Variants in PITPNA observed in about 807,000 individuals in gnomAD.
PITPNA encodes the protein phosphatidylinositol transfer protein alpha, also known as phosphatidylinositol transfer protein alpha isoform.
A neutral mutation model predicts 50.3 loss-of-function variants in PITPNA; 13 were observed. The observed-to-expected ratio is 0.26, with a 90% CI of 0.17 to 0.41. PITPNA has a LOEUF of 0.41. PITPNA is among the 10% of genes least tolerant of loss of function. The pLI, the probability that PITPNA is intolerant of heterozygous loss-of-function variation, is 1.00. For missense variants in PITPNA, 207 were observed against 333.4 expected (o/e 0.62, Z 2.95); for synonymous variants, 120 against 119.6 (o/e 1.00, Z -0.02).
rs2075492709 is a variant in PITPNA, at chr17:1,519,110, A to G, written c.*1451T>C. ...ATCCTGTGAGACACTCCCTTATTGC[A>G]CTTAGAAATGAGTAAGGCAAACAAA... On this transcript the variant is annotated 3_prime_UTR_variant, in exon 12 of 12. Coordinates refer to ENST00000313486, the MANE Select transcript of PITPNA (RefSeq NM_006224.4). 2 of 152,512 alleles carry G rather than the reference A, an allele frequency of 1.3e-5. No homozygotes were observed. The highest frequency in any genetic ancestry group is 1.5e-5 in the Non-Finnish European group (1 of 68,046). 9.4% of individuals were successfully genotyped at this position (152,512 alleles called of 1,614,324 possible).
At chr17:1,560,735 C>T (rs966672971) in intron 1 of PITPNA, among the ~76,000 whole-genome samples, 3 of 152,190 alleles carry the variant, frequency 2.0e-5, no homozygotes, top group African/African-American at 7.2e-5. Flanking sequence ...TAAAGTGCAC[C>T]ACGTTCTCCT....
At chr17:1,554,316 G>A (rs2075724202) in intron 2 of PITPNA, among the ~76,000 whole-genome samples, 1 of 151,926 alleles carries the variant, frequency 6.6e-6, no homozygotes, top group Non-Finnish European at 1.5e-5. Flanking sequence ...GGGGGGTGGA[G>A]GGGGACAAAG....
At chr17:1,525,778 A>T (rs565409073) in intron 10 of PITPNA, among the ~76,000 whole-genome samples, 4 of 152,336 alleles carry the variant, frequency 2.6e-5, no homozygotes, top group African/African-American at 9.6e-5. Context: ...TTGGCCTCCC[A>T]AAGTGCTGGG....
intron 4 of PITPNA, among the ~76,000 whole-genome samples, chr17:1,544,685 C>T (rs972042317): frequency 6.6e-6 from 1 of 152,250 alleles, no homozygotes; most frequent in African/African-American, 2.4e-5. Flanking sequence ...CGCCTGGAAT[C>T]CCAGCACTTT....
chr17:1,556,455 T>C (rs1464913621), intron 2 of PITPNA, among the ~76,000 whole-genome samples: 5 of 152,186 alleles, frequency 3.3e-5, no homozygotes, highest in African/African-American at 1.2e-4. Flanking sequence ...CTTCCAGTCT[T>C]GGCCCCACCA....
chr17:1,522,386 G>T lies in PITPNA; in HGVS notation c.769-741C>A, dbSNP rs554956350. Among the ~76,000 whole-genome samples the T allele has an allele frequency of 4.2e-3, 631 of 149,126 alleles. 8 individuals carry two copies. Among genetic ancestry groups the T allele is most frequent in the African/African-American group, 0.014 (582 of 40,496 alleles). On this transcript the variant is annotated intron_variant, in intron 10 of 11. Coordinates refer to ENST00000313486, the MANE Select transcript of PITPNA (RefSeq NM_006224.4). ...GCGCCTGGCCGAAACATCTTTTTTTGTGTGTGTGAGGAGTCTTGCTCTGTC... is the reference window on the plus strand; with the variant it reads ...GCGCCTGGCCGAAACATCTTTTTTTTTGTGTGTGAGGAGTCTTGCTCTGTC...
At chr17:1,542,317 CAGA>C (rs1193936204) in intron 5 of PITPNA, among the ~76,000 whole-genome samples, 2 of 152,278 alleles carry the variant, frequency 1.3e-5, no homozygotes, top group East Asian at 1.9e-4. Context: ...GGAAAGAGCA[CAGA>C]AGACTTCCTA....
chr17:1,561,572 C>T (rs2075768395), intron 1 of PITPNA, among the ~76,000 whole-genome samples: 1 of 152,124 alleles, frequency 6.6e-6, no homozygotes, highest in African/African-American at 2.4e-5. Flanking sequence ...GGTAACTTCC[C>T]GGCCTTCTCC....
At chr17:1,527,274 C>T (rs1236674844) in intron 10 of PITPNA, among the ~76,000 whole-genome samples, 5 of 152,020 alleles carry the variant, frequency 3.3e-5, no homozygotes, top group Admixed American at 2.6e-4. Flanking sequence ...GATAGAGTTT[C>T]GCTCTGTTGC....
At chr17:1,561,770 C>T (rs1236204791) in intron 1 of PITPNA, among the ~76,000 whole-genome samples, 1 of 152,148 alleles carries the variant, frequency 6.6e-6, no homozygotes, top group Non-Finnish European at 1.5e-5. Flanking sequence ...CCCAGCCAGG[C>T]CCTGACTTCC....
intron 6 of PITPNA, among the ~76,000 whole-genome samples, chr17:1,539,726 C>T (rs1431541461): frequency 1.3e-5 from 2 of 152,232 alleles, no homozygotes; most frequent in South Asian, 2.1e-4. Flanking sequence ...GTGCACAACA[C>T]TGAACCCAGC....
Position 1,534,300 on chromosome 17 carries a change from C to T in PITPNA, c.646-79G>A, listed in dbSNP as rs1431877440. The T allele has an allele frequency of 1.5e-5, 24 of 1,561,320 alleles. No individual in the cohort carries two copies. In the East Asian group the frequency reaches 1.6e-4, roughly 10 times the overall value. ...AGCCCTTCTCTCCATGCACTCCACA[C>T]GAATACCCACACTAGACTGGGGACG... On this transcript the variant is annotated intron_variant, in intron 9 of 11. Transcript: ENST00000313486.
intron 6 of PITPNA, among the ~76,000 whole-genome samples, chr17:1,540,878 C>A (rs965488023): frequency 6.6e-6 from 1 of 152,200 alleles, no homozygotes; most frequent in Admixed American, 6.5e-5. Context: ...AGCCACCGCA[C>A]CCGGTCTAAC....
intron 10 of PITPNA, among the ~76,000 whole-genome samples, chr17:1,532,612 C>T (rs1314701650): frequency 6.6e-6 from 1 of 152,202 alleles, no homozygotes; most frequent in Non-Finnish European, 1.5e-5. Context: ...ATGGCTGAAG[C>T]TCCAGGCTAA....
chr17:1,538,927 C>T lies in PITPNA; in HGVS notation c.398G>A (p.Trp133Ter), dbSNP rs770354542. ...ENVHKLEPEA[W>*]KHVEAVYIDI... ...TATATATACGGCTTCCACGTGTTTC[C>T]ACGCCTCAGGCTCCAGCTTATGCAC... The change falls in exon 7 of 12, where the codon TGG becomes TAG. Residue 133 changes from tryptophan (W) to a stop codon, truncating the protein, a stop_gained. Transcript: ENST00000313486. LOFTEE classifies it high-confidence loss of function. The T allele has an allele frequency of 6.2e-7, 1 of 1,613,724 alleles. No homozygotes were observed. The highest frequency in any genetic ancestry group is 1.1e-5 in the South Asian group (1 of 91,062).
chr17:1,541,013 C>G (rs569817416), intron 6 of PITPNA, among the ~76,000 whole-genome samples: 76 of 152,308 alleles, frequency 5.0e-4, no homozygotes, highest in African/African-American at 1.8e-3. Context: ...ATCCTCCAGC[C>G]TCGGCCTCCA....
chr17:1,558,005 C>T (rs1260238727), intron 2 of PITPNA, among the ~76,000 whole-genome samples: 5 of 152,080 alleles, frequency 3.3e-5, no homozygotes, highest in Admixed American at 2.0e-4. Context: ...CTGAGGCGGG[C>T]GGATCACTTG....
At chr17:1,521,873 C>CT (rs869029944) in intron 10 of PITPNA, among the ~76,000 whole-genome samples, 8,114 of 121,782 alleles carry the variant, frequency 0.067, 536 homozygotes, top group African/African-American at 0.095. Flanking sequence ...TTTGAAGCAC[C>CT]TTTTTTTTTT....
At chr17:1,542,998 C>G (rs2075655422) in intron 5 of PITPNA, 22 bp downstream of exon 5, 1 of 1,573,712 alleles carries the variant, frequency 6.4e-7, no homozygotes, top group Non-Finnish European at 8.6e-7. Flanking sequence ...TCTACAGTTC[C>G]AACCCCCTTG....
Sources: allele counts gnomAD v4.1 joint callset (sites outside exome capture counted in the v4.1 genomes callset), GRCh38; gene constraint gnomAD v4.1.1; transcripts MANE v1.5; gene names NCBI Gene and HGNC (gene_info 2026-07-23, HGNC 2026-07-21).